ZMYM4: variants seen among roughly 807,000 people sequenced by gnomAD.
ZMYM4 encodes the protein zinc finger MYM-type protein 4.
ZMYM4 carries 31 observed loss-of-function variants against 183.2 expected under a neutral mutation model. The observed-to-expected ratio is 0.17, with a 90% CI of 0.13 to 0.23. ZMYM4 has a LOEUF of 0.23. ZMYM4 is among the 10% of genes least tolerant of loss of function. The pLI is 1.00. For missense variants in ZMYM4, 1,273 were observed against 1,840.3 expected, an observed-to-expected ratio of 0.69 and a Z score of 5.64; for synonymous variants, 592 against 631.2, an observed-to-expected ratio of 0.94 and a Z score of 0.93.
chr1:35,397,574 G>GAA (rs748211831), intron 20 of ZMYM4, 29 bp downstream of exon 20: 8 of 1,551,018 alleles, frequency 5.2e-6, no homozygotes, highest in Non-Finnish European at 6.9e-6. Flanking sequence ...AGTAAAGAAA[G>GAA]AAAAAACACG....
In ZMYM4 at chr1:35,408,011, G is replaced by A. The variant is rs1341757636; in HGVS notation, c.3800G>A (p.Arg1267His). Residue 1267 changes from arginine to histidine, a missense_variant, in exon 26 of 30, where the codon CGC becomes CAC. Physicochemically the swap from Arg to His is conservative, Grantham distance 29. Transcript: ENST00000314607. Reference sequence around the variant, plus strand: ...GATGTTTTCTACCTTTCCACAGTCCGCTCTATCAAGCTGAAGGAAGACATT... The same window carrying A: ...GATGTTTTCTACCTTTCCACAGTCCACTCTATCAAGCTGAAGGAAGACATT... ...QESSEPGCRV[R>H]SIKLKEDILS... The A allele has an allele frequency of 5.0e-6, 8 of 1,613,976 alleles. No individual in the cohort carries two copies. The highest frequency in any genetic ancestry group is 1.1e-5 in the South Asian group (1 of 91,086).
At chr1:35,294,683 A>G (rs1640921443) in intron 1 of ZMYM4, among the ~76,000 whole-genome samples, 1 of 152,214 alleles carries the variant, frequency 6.6e-6, no homozygotes, top group African/African-American at 2.4e-5. Flanking sequence ...ATGCCAATAC[A>G]TATCCTATTT....
chr1:35,283,892 AC>A (rs1411977207), intron 1 of ZMYM4, among the ~76,000 whole-genome samples: 5 of 152,026 alleles, frequency 3.3e-5, no homozygotes, highest in African/African-American at 1.2e-4. Context: ...AAAATAATTT[AC>A]AAATATTTTT....
intron 13 of ZMYM4, 139 bp from the exon 14 acceptor site, chr1:35,388,771 C>G: frequency 1.4e-6 from 1 of 708,704 alleles, no homozygotes; most frequent in Non-Finnish European, 2.3e-6. Context: ...CTCCTGGGCT[C>G]AAGCACTCCT....
intron 1 of ZMYM4, among the ~76,000 whole-genome samples, chr1:35,272,389 A>G (rs1036124075): frequency 2.0e-5 from 3 of 152,250 alleles, no homozygotes; most frequent in African/African-American, 7.2e-5. Context: ...AGGGTCATTT[A>G]GGATAATATA....
At chr1:35,374,928 C>G (rs12025534) in intron 7 of ZMYM4, among the ~76,000 whole-genome samples, 1 of 152,104 alleles carries the variant, frequency 6.6e-6, no homozygotes, top group Non-Finnish European at 1.5e-5. Flanking sequence ...ATGTCTTGAT[C>G]TTATGTAATT....
rs558424659 is a variant in ZMYM4, at chr1:35,393,696, C to T, written c.2868C>T (p.Ala956=). ...GCAAACCCATCACACAGACTAAAGC[C>T]ACCTCTTGCAAACCACATACCCAAA... The part of the protein sequence containing the change: ...LLCKPITQTK[A]TSCKPHTQNK... The change falls in exon 18 of 30, where the codon GCC becomes GCT. Residue 956 remains alanine, a synonymous_variant. Coordinates refer to ENST00000314607, the MANE Select transcript of ZMYM4 (RefSeq NM_005095.3). 2.5e-6 allele frequency: 4 copies of T among 1,611,198 alleles called. No homozygotes were observed. In the South Asian group the frequency reaches 4.4e-5, roughly 18 times the overall value.
chr1:35,295,109 G>T (rs1640943426), intron 1 of ZMYM4, among the ~76,000 whole-genome samples: 1 of 152,228 alleles, frequency 6.6e-6, no homozygotes, highest in Admixed American at 6.5e-5. Context: ...TTACATTCCA[G>T]GGATGGGGTG....
intron 1 of ZMYM4, among the ~76,000 whole-genome samples, chr1:35,318,338 G>C (rs923844072): frequency 6.6e-6 from 1 of 152,126 alleles, no homozygotes. Flanking sequence ...GATTATAGGG[G>C]TGAGCCACTG....
In ZMYM4 at chr1:35,282,919, A is replaced by G. The variant is rs182643960; in HGVS notation, c.39+13834A>G. Among the ~76,000 whole-genome samples the G allele has an allele frequency of 1.2e-4, 18 of 146,984 alleles. 2 individuals are homozygous for G. The highest frequency in any genetic ancestry group is 3.7e-4 in the African/African-American group (15 of 40,136). The stretch of plus-strand genomic sequence containing the variant: ...ATAACATTTTCCATTTGCACCAGCA[A>G]TGCATGAGGATTCCAGCTTTTCTGC... On this transcript the variant is annotated intron_variant, in intron 1 of 29. Coordinates refer to ENST00000314607, the MANE Select transcript of ZMYM4 (RefSeq NM_005095.3).
At chr1:35,407,953 A>C in intron 25 of ZMYM4, 55 bp from the exon 26 acceptor site, 1 of 1,607,504 alleles carries the variant, frequency 6.2e-7, no homozygotes, top group Non-Finnish European at 8.5e-7. Context: ...CAGTTAATCA[A>C]TGCTACTATG....
At chr1:35,358,054 T>C (rs1643870913) in intron 2 of ZMYM4, among the ~76,000 whole-genome samples, 1 of 152,196 alleles carries the variant, frequency 6.6e-6, no homozygotes, top group Admixed American at 6.5e-5. Flanking sequence ...GTCAATTTGC[T>C]TTGACCATTA....
At chr1:35,275,341 A>G (rs1179364073) in intron 1 of ZMYM4, among the ~76,000 whole-genome samples, 1 of 152,008 alleles carries the variant, frequency 6.6e-6, no homozygotes, top group African/African-American at 2.4e-5. Context: ...TCCTGGGTTC[A>G]AGCAATTCTC....
intron 1 of ZMYM4, among the ~76,000 whole-genome samples, chr1:35,269,601 C>T (rs1418624554): frequency 1.2e-4 from 18 of 152,048 alleles, no homozygotes; most frequent in Admixed American, 1.2e-3. Flanking sequence ...GTGGTCTTAC[C>T]TGTGAAGAAG....
chr1:35,412,059 T>G (rs12145372), intron 26 of ZMYM4, among the ~76,000 whole-genome samples: 1 of 151,806 alleles, frequency 6.6e-6, no homozygotes, highest in South Asian at 2.1e-4. Context: ...AATTTTTTTT[T>G]TTTTTGTATT....
At chr1:35,380,990 A>G (rs911381377) in intron 7 of ZMYM4, among the ~76,000 whole-genome samples, 3 of 152,228 alleles carry the variant, frequency 2.0e-5, no homozygotes, top group African/African-American at 4.8e-5. Context: ...AATGCTAATC[A>G]TTTGATGTTT....
intron 1 of ZMYM4, among the ~76,000 whole-genome samples, chr1:35,298,741 G>T (rs970267477): frequency 6.6e-6 from 1 of 152,172 alleles, no homozygotes; most frequent in Admixed American, 6.5e-5. Context: ...TACTGACAAA[G>T]GTTAACATTG....
intron 2 of ZMYM4, among the ~76,000 whole-genome samples, chr1:35,346,730 C>T (rs992471362): frequency 1.3e-5 from 2 of 151,568 alleles, no homozygotes; most frequent in African/African-American, 4.8e-5. Flanking sequence ...CTTTCTAAGC[C>T]TATTTAACTC....
intron 5 of ZMYM4, 98 bp from the exon 6 acceptor site, chr1:35,369,931 A>G (rs1644167201): frequency 8.2e-6 from 6 of 728,376 alleles, no homozygotes; most frequent in Middle Eastern, 3.5e-4. Flanking sequence ...AACATTTTCC[A>G]CCTCTATATA....
Sources: allele counts gnomAD v4.1 joint callset (sites outside exome capture counted in the v4.1 genomes callset), GRCh38; gene constraint gnomAD v4.1.1; transcripts MANE v1.5; gene names NCBI Gene and HGNC (gene_info 2026-07-23, HGNC 2026-07-21).